The following CPA6 variants were observed in gnomAD, a reference collection of about 807,000 sequenced individuals.
The protein encoded by CPA6 is carboxypeptidase B.
A neutral mutation model predicts 63.3 loss-of-function variants in CPA6; 58 were observed. That is an observed-to-expected ratio of 0.92 (90% CI 0.74 to 1.14). The LOEUF is 1.14. Ranked by LOEUF, CPA6 falls within the 50% of genes most tolerant of loss-of-function variation. CPA6 has a pLI of 0.00. For synonymous variants in CPA6, 185 were observed against 179.0 expected, an observed-to-expected ratio of 1.03 and a Z score of -0.27; for missense variants, 565 against 526.6, an observed-to-expected ratio of 1.07 and a Z score of -0.71.
chr8:67,635,570 C>G (rs1029287027), intron 1 of CPA6, among the ~76,000 whole-genome samples: 4 of 151,496 alleles, frequency 2.6e-5, no homozygotes, highest in Admixed American at 1.3e-4. Context: ...GAGTTTGAGA[C>G]CAGCCTGACC....
chr8:67,683,006 C>T (rs1816629462), intron 1 of CPA6, among the ~76,000 whole-genome samples: 1 of 152,226 alleles, frequency 6.6e-6, no homozygotes, highest in Non-Finnish European at 1.5e-5. Flanking sequence ...TTGTACTCTG[C>T]CTTGTAAGTT....
At chr8:67,489,373 T>C (rs922828689) in intron 6 of CPA6, among the ~76,000 whole-genome samples, 6 of 152,218 alleles carry the variant, frequency 3.9e-5, no homozygotes, top group Non-Finnish European at 2.9e-5. Flanking sequence ...ACTACCTTAG[T>C]TGCATTCTAT....
intron 1 of CPA6, among the ~76,000 whole-genome samples, chr8:67,644,848 G>A (rs535844471): frequency 2.6e-5 from 4 of 152,094 alleles, no homozygotes; most frequent in Admixed American, 6.5e-5. Flanking sequence ...GAGACTTTCC[G>A]AGGGGAATAA....
At chr8:67,573,139 A>T (rs1156995838) in intron 2 of CPA6, among the ~76,000 whole-genome samples, 1 of 152,256 alleles carries the variant, frequency 6.6e-6, no homozygotes, top group Non-Finnish European at 1.5e-5. Flanking sequence ...AATAAAAGCC[A>T]TATATAACAA....
At position 67,512,217 on chromosome 8, in the gene CPA6, C is replaced by T. The variant is rs976014377; in HGVS notation, c.318-562G>A. On this transcript the variant is annotated intron_variant, in intron 3 of 10. Coordinates refer to ENST00000297770, the MANE Select transcript of CPA6 (RefSeq NM_020361.5). ...CAGGGTCACTTCATGAAAACTGAGC[C>T]TAGGCTTCTCTTCCATGCCCTTACC... 3.3e-5 allele frequency among the ~76,000 whole-genome samples: 5 copies of T among 152,136 alleles called. No individual in the cohort carries two copies. In the East Asian group the frequency reaches 9.6e-4, roughly 29 times the overall value.
At chr8:67,591,179 A>G (rs1341549702) in intron 2 of CPA6, among the ~76,000 whole-genome samples, 5 of 152,204 alleles carry the variant, frequency 3.3e-5, no homozygotes, top group Non-Finnish European at 5.9e-5. Flanking sequence ...CAGGTTTGTC[A>G]AAGATCAGAT....
At chr8:67,690,349 TAATG>T (rs558838065) in intron 1 of CPA6, among the ~76,000 whole-genome samples, 60 of 152,354 alleles carry the variant, frequency 3.9e-4, no homozygotes, top group African/African-American at 1.3e-3. Flanking sequence ...AATTTAGAGT[TAATG>T]AATATTAATT....
rs192796850 is a variant in CPA6 at position 67,537,845 on chromosome 8, A to T, written c.193-19798T>A. Reference sequence around the variant, plus strand: ...ATTAGTGTTATAAATTTCCCTCTAAACACTGCTTTAGCGGTGTCCCAAAGA... The same window carrying T: ...ATTAGTGTTATAAATTTCCCTCTAATCACTGCTTTAGCGGTGTCCCAAAGA... On this transcript the variant is annotated intron_variant, in intron 2 of 10. Coordinates refer to ENST00000297770, the MANE Select transcript of CPA6 (RefSeq NM_020361.5). Among the ~76,000 whole-genome samples the T allele has an allele frequency of 6.9e-3, 1,047 of 152,312 alleles. 11 individuals carry two copies. Among genetic ancestry groups the T allele is most frequent in the Non-Finnish European group, 0.011 (730 of 68,034 alleles).
At chr8:67,638,014 T>C (rs1425724733) in intron 1 of CPA6, among the ~76,000 whole-genome samples, 1 of 144,364 alleles carries the variant, frequency 6.9e-6, no homozygotes, top group Non-Finnish European at 1.5e-5. Context: ...TGTGCATGCA[T>C]GCATGTGTGT....
intron 2 of CPA6, among the ~76,000 whole-genome samples, chr8:67,586,784 G>A (rs1056522432): frequency 4.6e-5 from 7 of 152,148 alleles, no homozygotes; most frequent in Non-Finnish European, 7.3e-5. Flanking sequence ...TGATGTCAGT[G>A]GGTCAGGAGA....
intron 2 of CPA6, among the ~76,000 whole-genome samples, chr8:67,524,786 C>T (rs184495594): frequency 2.4e-3 from 368 of 152,184 alleles, no homozygotes; most frequent in African/African-American, 8.4e-3. Flanking sequence ...AATATATCCT[C>T]TCTCCAAGAT....
At chr8:67,453,475 A>AC (rs1563958945) in intron 8 of CPA6, among the ~76,000 whole-genome samples, 2 of 152,208 alleles carry the variant, frequency 1.3e-5, no homozygotes, top group East Asian at 3.9e-4. Context: ...TCTATTAGAT[A>AC]CCCCCAGTGA....
At chr8:67,503,471 T>G (rs1376783438) in intron 6 of CPA6, among the ~76,000 whole-genome samples, 1 of 138,104 alleles carries the variant, frequency 7.2e-6, no homozygotes, top group African/African-American at 3.2e-5. Context: ...TAATTAAATT[T>G]TTTTTTTTTT....
intron 1 of CPA6, among the ~76,000 whole-genome samples, chr8:67,740,563 C>T (rs1204585619): frequency 6.6e-6 from 1 of 151,822 alleles, no homozygotes; most frequent in Non-Finnish European, 1.5e-5. Context: ...ATTTCAAGGA[C>T]CAAACTACTT....
At chr8:67,529,790 G>C (rs889034268) in intron 2 of CPA6, among the ~76,000 whole-genome samples, 3 of 152,092 alleles carry the variant, frequency 2.0e-5, no homozygotes, top group African/African-American at 7.2e-5. Context: ...GTGTCACGGG[G>C]GTGGCCCAAT....
At chr8:67,446,505 C>G (rs1161911473) in intron 8 of CPA6, among the ~76,000 whole-genome samples, 1 of 151,700 alleles carries the variant, frequency 6.6e-6, no homozygotes, top group Non-Finnish European at 1.5e-5. Context: ...CAATCGAGAT[C>G]TGAAATATAT....
chr8:67,604,347 G>T (rs1814572022), intron 2 of CPA6, among the ~76,000 whole-genome samples: 1 of 152,168 alleles, frequency 6.6e-6, no homozygotes, highest in Admixed American at 6.5e-5. Context: ...GAAGGAAGCG[G>T]TGGTTATTCC....
At chr8:67,598,115 G>T (rs1814392751) in intron 2 of CPA6, among the ~76,000 whole-genome samples, 1 of 152,106 alleles carries the variant, frequency 6.6e-6, no homozygotes, top group Admixed American at 6.6e-5. Flanking sequence ...CAAAGCCTAG[G>T]CTGTCTGGCC....
intron 1 of CPA6, among the ~76,000 whole-genome samples, chr8:67,638,166 C>T (rs1815513135): frequency 6.6e-6 from 1 of 151,122 alleles, no homozygotes; most frequent in Non-Finnish European, 1.5e-5. Context: ...CCTTGGATGC[C>T]CTAGAGTTTG....
Sources: allele counts gnomAD v4.1 joint callset (sites outside exome capture counted in the v4.1 genomes callset), GRCh38; gene constraint gnomAD v4.1.1; transcripts MANE v1.5; gene names NCBI Gene and HGNC (gene_info 2026-07-23, HGNC 2026-07-21).